The following EFCAB11 variants were observed in gnomAD, a reference collection of about 807,000 sequenced individuals.
EFCAB11 encodes EF-hand calcium-binding domain-containing protein 11.
EFCAB11 carries 14 observed loss-of-function variants against 23.0 expected under a neutral mutation model. The ratio of observed to expected loss-of-function variants is 0.61; its 90% CI spans 0.40 to 0.95. EFCAB11 has a LOEUF of 0.95. Among genes scored for constraint, EFCAB11 ranks in the 40% least tolerant of loss-of-function variants. The pLI, the probability that EFCAB11 is intolerant of heterozygous loss-of-function variation, is 0.00. For missense variants in EFCAB11, 198 were observed against 195.8 expected (o/e 1.01, Z -0.07); for synonymous variants, 65 against 66.6 (o/e 0.98, Z 0.11).
In EFCAB11 at chr14:89,931,307, T is replaced by C. The variant is rs977443638; in HGVS notation, c.410+234A>G. On this transcript the variant is annotated intron_variant, in intron 5 of 5. Coordinates refer to ENST00000316738, the MANE Select transcript of EFCAB11 (RefSeq NM_145231.4). ...TCCTGCCCCTACTCATAAGTGCTTGTATGCACCTGCCTGGTGTGCAAGCGC... is the reference window on the plus strand; with the variant it reads ...TCCTGCCCCTACTCATAAGTGCTTGCATGCACCTGCCTGGTGTGCAAGCGC... The C allele has an allele frequency of 7.2e-5, 35 of 488,732 alleles. No individual in the cohort carries two copies. In the East Asian group the frequency reaches 8.2e-4, roughly 11 times the overall value. 30.3% of individuals were successfully genotyped at this position (488,732 alleles called of 1,614,324 possible).
At chr14:89,880,407 A>C (rs1345333489) in intron 5 of EFCAB11, among the ~76,000 whole-genome samples, 1 of 152,194 alleles carries the variant, frequency 6.6e-6, no homozygotes, top group Non-Finnish European at 1.5e-5. Flanking sequence ...CAGTCTATGA[A>C]GTTTTGTTAT....
intron 5 of EFCAB11, among the ~76,000 whole-genome samples, chr14:89,828,733 T>A (rs1430603917): frequency 6.6e-6 from 1 of 152,228 alleles, no homozygotes; most frequent in African/African-American, 2.4e-5. Flanking sequence ...ATGTTCAATA[T>A]TTTACATATA....
intron 5 of EFCAB11, among the ~76,000 whole-genome samples, chr14:89,873,609 G>A (rs1888348839): frequency 6.6e-6 from 1 of 152,180 alleles, no homozygotes; most frequent in South Asian, 2.1e-4. Flanking sequence ...AGATATAATG[G>A]GGGTACGGGC....
chr14:89,904,689 C>T (rs1566804881), intron 5 of EFCAB11, among the ~76,000 whole-genome samples: 2 of 152,152 alleles, frequency 1.3e-5, no homozygotes, highest in Non-Finnish European at 2.9e-5. Context: ...GAGATGCTAT[C>T]TCATGGTGGT....
intron 5 of EFCAB11, among the ~76,000 whole-genome samples, chr14:89,847,758 AAG>A (rs1491049962): frequency 0.25 from 31,483 of 123,744 alleles, 4,708 homozygotes; most frequent in Non-Finnish European, 0.38. Context: ...AAAAAAAAAA[AAG>A]AAAGAAAGAA....
chr14:89,923,793 CTT>C (rs1336065098), intron 5 of EFCAB11: 33 of 985,296 alleles, frequency 3.3e-5, no homozygotes, highest in African/African-American at 5.2e-5. Context: ...GAAATTTTCT[CTT>C]GTTAGAGATG....
intron 5 of EFCAB11, among the ~76,000 whole-genome samples, chr14:89,829,189 C>T (rs1468283112): frequency 1.3e-5 from 2 of 152,098 alleles, no homozygotes; most frequent in African/African-American, 4.8e-5. Flanking sequence ...TATGTTCTGA[C>T]GGTGCAGGAA....
intron 3 of EFCAB11, among the ~76,000 whole-genome samples, chr14:89,939,585 A>G (rs1252615640): frequency 6.6e-6 from 1 of 151,934 alleles, no homozygotes; most frequent in African/African-American, 2.4e-5. Flanking sequence ...TTCAAATCCC[A>G]CCCATCCTTC....
At chr14:89,917,884 A>G (rs781543542) in intron 5 of EFCAB11, among the ~76,000 whole-genome samples, 2 of 152,250 alleles carry the variant, frequency 1.3e-5, no homozygotes, top group Non-Finnish European at 2.9e-5. Flanking sequence ...AAGTAAGGCA[A>G]CACGTAGTTG....
intron 5 of EFCAB11, among the ~76,000 whole-genome samples, chr14:89,818,354 T>G (rs1048592834): frequency 2.0e-5 from 3 of 151,780 alleles, no homozygotes; most frequent in Admixed American, 1.3e-4. Context: ...CAACATACTA[T>G]GATTCAGTGA....
At chr14:89,863,169 G>A (rs1273852537) in intron 5 of EFCAB11, among the ~76,000 whole-genome samples, 1 of 151,928 alleles carries the variant, frequency 6.6e-6, no homozygotes, top group East Asian at 1.9e-4. Context: ...AATATGAAAT[G>A]GAAAATTTTA....
chr14:89,836,608 A>C, intron 5 of EFCAB11: 1 of 456,752 alleles, frequency 2.2e-6, no homozygotes, highest in South Asian at 1.5e-5. Flanking sequence ...ACCTCCAGGA[A>C]ATTGATGAAT....
At chr14:89,824,928 TTC>T (rs1886640180) in intron 5 of EFCAB11, among the ~76,000 whole-genome samples, 1 of 151,954 alleles carries the variant, frequency 6.6e-6, no homozygotes, top group South Asian at 2.1e-4. Flanking sequence ...TTTTTAACAT[TTC>T]TCTCTCAGTA....
chr14:89,925,516 T>C lies in EFCAB11; in HGVS notation c.410+6025A>G, dbSNP rs145569213. Reference sequence around the variant, plus strand: ...AGTACTATAGTACAAACAGCTCTTATGTCTCTTGAACTTCTGCCATTTTTA... The same window carrying C: ...AGTACTATAGTACAAACAGCTCTTACGTCTCTTGAACTTCTGCCATTTTTA... On this transcript the variant is annotated intron_variant, in intron 5 of 5. Coordinates refer to ENST00000316738, the MANE Select transcript of EFCAB11 (RefSeq NM_145231.4). Among the ~76,000 whole-genome samples, 933 of 152,324 alleles carry C rather than the reference T, an allele frequency of 6.1e-3. 6 individuals carry two copies. Among genetic ancestry groups the C allele is most frequent in the African/African-American group, 0.021 (889 of 41,566 alleles).
intron 5 of EFCAB11, among the ~76,000 whole-genome samples, chr14:89,862,748 A>G (rs1049034846): frequency 1.5e-4 from 23 of 152,248 alleles, no homozygotes; most frequent in African/African-American, 5.3e-4. Context: ...AATGTATCAT[A>G]GATAACAACT....
chr14:89,799,956 CG>C (rs1187968702), intron 5 of EFCAB11, among the ~76,000 whole-genome samples: 3 of 152,112 alleles, frequency 2.0e-5, no homozygotes, highest in African/African-American at 7.2e-5. Context: ...GAGGCCCAGG[CG>C]GGTGGATCAC....
chr14:89,805,315 T>C (rs1156625901), intron 5 of EFCAB11, among the ~76,000 whole-genome samples: 5 of 152,126 alleles, frequency 3.3e-5, no homozygotes, highest in Non-Finnish European at 5.9e-5. Flanking sequence ...GTAATCCCAC[T>C]CTCCTTACCA....
At chr14:89,879,715 T>C (rs537129316) in intron 5 of EFCAB11, among the ~76,000 whole-genome samples, 2 of 152,346 alleles carry the variant, frequency 1.3e-5, no homozygotes, top group East Asian at 3.9e-4. Flanking sequence ...ATATAGACTC[T>C]TGTTCCTATT....
chr14:89,911,293 A>G (rs1481479269), intron 5 of EFCAB11, among the ~76,000 whole-genome samples: 2 of 152,246 alleles, frequency 1.3e-5, no homozygotes, highest in African/African-American at 4.8e-5. Flanking sequence ...GAATTTCAAC[A>G]AAGAATGCTT....
Sources: allele counts gnomAD v4.1 joint callset (sites outside exome capture counted in the v4.1 genomes callset), GRCh38; gene constraint gnomAD v4.1.1; transcripts MANE v1.5; gene names NCBI Gene and HGNC (gene_info 2026-07-23, HGNC 2026-07-21).